Variants in IGSF21 observed in about 807,000 individuals in gnomAD.
The protein encoded by IGSF21 is immunoglobin superfamily member 21.
In IGSF21, 28 loss-of-function variants were observed where a neutral mutation model predicts 46.8. The ratio of observed to expected loss-of-function variants is 0.60; its 90% CI spans 0.44 to 0.82. IGSF21 has a LOEUF of 0.82. IGSF21 is among the 40% of genes least tolerant of loss of function. The probability of loss-of-function intolerance (pLI) is 0.00; values close to 1 mark genes in which losing one functional copy is unlikely to be tolerated. For synonymous variants in IGSF21, 284 were observed against 273.6 expected (o/e 1.04, Z -0.38); for missense variants, 624 against 665.5 (o/e 0.94, Z 0.69).
chr1:18,242,330 G>A (rs1398630850), intron 2 of IGSF21, among the ~76,000 whole-genome samples: 1 of 152,188 alleles, frequency 6.6e-6, no homozygotes, highest in East Asian at 1.9e-4. Context: ...GTGAATGGTG[G>A]AAAATGTCTA....
intron 1 of IGSF21, among the ~76,000 whole-genome samples, chr1:18,176,458 T>C (rs1399297549): frequency 6.6e-6 from 1 of 152,184 alleles, no homozygotes; most frequent in Non-Finnish European, 1.5e-5. Context: ...CCTTGAACCT[T>C]AGGGGTCCCA....
At chr1:18,196,968 G>A (rs1281103328) in intron 1 of IGSF21, among the ~76,000 whole-genome samples, 3 of 152,198 alleles carry the variant, frequency 2.0e-5, no homozygotes, top group South Asian at 2.1e-4. Flanking sequence ...CTCTTTTCCC[G>A]GCTTCCCGGT....
chr1:18,287,354 C>T (rs1188001488), intron 2 of IGSF21, among the ~76,000 whole-genome samples: 3 of 151,878 alleles, frequency 2.0e-5, no homozygotes, highest in Non-Finnish European at 2.9e-5. Flanking sequence ...TGAGATCGTG[C>T]CACTACACTC....
chr1:18,198,835 C>T (rs767685680), intron 1 of IGSF21, among the ~76,000 whole-genome samples: 2 of 152,074 alleles, frequency 1.3e-5, no homozygotes, highest in Admixed American at 1.3e-4. Context: ...CTAATAAGGT[C>T]GTGGGAGTAA....
rs187266390 is a variant in IGSF21 at position 18,332,023 on chromosome 1, G to T, written c.306-2869G>T. Among the ~76,000 whole-genome samples the T allele has an allele frequency of 9.9e-5, 15 of 152,280 alleles. No individual in the cohort carries two copies. In the East Asian group the frequency reaches 2.1e-3, roughly 22 times the overall value. ...CTGTACACATAGTCCTCAGTGAGAA[G>T]CTGCCTTTTTCATAAAGCAGCAATC... is the stretch of plus-strand genomic sequence containing the variant. On this transcript the variant is annotated intron_variant, in intron 3 of 9. Transcript: ENST00000251296.
intron 4 of IGSF21, among the ~76,000 whole-genome samples, chr1:18,358,233 C>T (rs2086045805): frequency 1.3e-5 from 2 of 151,982 alleles, no homozygotes; most frequent in African/African-American, 4.8e-5. Flanking sequence ...AATGGAAAGT[C>T]TAGACCAGAG....
At chr1:18,179,446 G>A (rs974318835) in intron 1 of IGSF21, 1 of 152,156 alleles carries the variant, frequency 6.6e-6, no homozygotes, top group Non-Finnish European at 1.5e-5. Flanking sequence ...TGTAAAAATG[G>A]TAAAATGTTT....
chr1:18,158,628 C>A (rs1053045018), intron 1 of IGSF21, among the ~76,000 whole-genome samples: 38 of 152,154 alleles, frequency 2.5e-4, no homozygotes, highest in African/African-American at 9.2e-4. Flanking sequence ...GACTTTGGAG[C>A]TCCTGTGTCT....
intron 4 of IGSF21, among the ~76,000 whole-genome samples, chr1:18,358,862 T>C (rs1297259300): frequency 6.6e-6 from 1 of 152,226 alleles, no homozygotes; most frequent in Admixed American, 6.5e-5. Context: ...CCCACCTCCT[T>C]AGCCATTGTC....
At chr1:18,298,802 C>T (rs1009018254) in intron 3 of IGSF21, among the ~76,000 whole-genome samples, 17 of 152,288 alleles carry the variant, frequency 1.1e-4, no homozygotes, top group African/African-American at 3.6e-4. Context: ...AAAATCAGCC[C>T]CTGCCTCTTC....
chr1:18,307,605 G>A (rs1357361075), intron 3 of IGSF21, among the ~76,000 whole-genome samples: 1 of 152,236 alleles, frequency 6.6e-6, no homozygotes, highest in Non-Finnish European at 1.5e-5. Context: ...GGCACAGGCT[G>A]TCCATCGCTG....
chr1:18,366,780 C>T (rs1456078277), intron 6 of IGSF21, among the ~76,000 whole-genome samples: 2 of 152,182 alleles, frequency 1.3e-5, no homozygotes, highest in Non-Finnish European at 2.9e-5. Context: ...TAATCCATGT[C>T]CATGATCTGC....
chr1:18,200,029 A>AT (rs1257227474), intron 1 of IGSF21, among the ~76,000 whole-genome samples: 8 of 151,882 alleles, frequency 5.3e-5, no homozygotes, highest in African/African-American at 1.9e-4. Flanking sequence ...CTCCTTCCCC[A>AT]CTCATGGGTT....
At chr1:18,150,370 C>T (rs1010027752) in intron 1 of IGSF21, among the ~76,000 whole-genome samples, 2 of 151,976 alleles carry the variant, frequency 1.3e-5, no homozygotes, top group African/African-American at 4.8e-5. Context: ...GGATTGGAGA[C>T]AGTTCACTTG....
At chr1:18,374,109 C>T (rs543156236) in intron 6 of IGSF21, among the ~76,000 whole-genome samples, 16 of 152,166 alleles carry the variant, frequency 1.1e-4, no homozygotes, top group Non-Finnish European at 1.8e-4. Flanking sequence ...CCAACAATGC[C>T]GCCCCAGCAG....
intron 5 of IGSF21, among the ~76,000 whole-genome samples, chr1:18,364,452 C>A (rs779224871): frequency 2.7e-5 from 4 of 150,894 alleles, no homozygotes; most frequent in South Asian, 2.1e-4. Flanking sequence ...TCCGCTCCCC[C>A]ACCTGTGTCC....
At chr1:18,200,773 T>C (rs4920460) in intron 1 of IGSF21, among the ~76,000 whole-genome samples, 116,756 of 152,126 alleles carry the variant, frequency 0.77, 45,287 homozygotes, top group Middle Eastern at 0.82. Context: ...TTTGGCTAAG[T>C]CTTCCTAACT....
At position 18,289,291 on chromosome 1, in the gene IGSF21, G is replaced by A. The variant is rs746987175; in HGVS notation, c.184-2575G>A. 3.8e-4 allele frequency among the ~76,000 whole-genome samples: 58 copies of A among 152,302 alleles called. 1 individual carries two copies. The highest frequency in any genetic ancestry group is 3.3e-3 in the Admixed American group (51 of 15,296). ...CAGTTAAACAGGCAGGATGCCTTCC[G>A]CTTTATGACTTTGGGAGAAAAATCC... On this transcript the variant is annotated intron_variant, in intron 2 of 9. Coordinates refer to ENST00000251296, the MANE Select transcript of IGSF21 (RefSeq NM_032880.5).
At chr1:18,324,790 A>G (rs1320991524) in intron 3 of IGSF21, among the ~76,000 whole-genome samples, 2 of 152,012 alleles carry the variant, frequency 1.3e-5, no homozygotes, top group Admixed American at 6.5e-5. Flanking sequence ...GTGTGTCCCT[A>G]CTGTGTCCCT....
Sources: gnomAD v4.1 joint callset for allele counts (sites outside exome capture counted in the v4.1 genomes callset) on GRCh38, gnomAD v4.1.1 for gene constraint, MANE v1.5 for transcripts, NCBI Gene and HGNC (gene_info 2026-07-23, HGNC 2026-07-21) for gene names.